Variants in LRBA observed in about 807,000 individuals in gnomAD.
LRBA encodes the protein LPS responsive beige-like anchor protein, also known as lipopolysaccharide-responsive and beige-like anchor protein.
LRBA carries 176 observed loss-of-function variants against 330.0 expected under a neutral mutation model. The observed-to-expected ratio is 0.53, with a 90% CI of 0.47 to 0.60. LRBA has a LOEUF of 0.60. Ranked by LOEUF, LRBA falls within the 20% of genes least tolerant of loss-of-function variation. The pLI, the probability that LRBA is intolerant of heterozygous loss-of-function variation, is 0.00. For synonymous variants in LRBA, 1,230 were observed against 1,193.0 expected (o/e 1.03, Z -0.64); for missense variants, 3,259 against 3,444.8 (o/e 0.95, Z 1.35).
chr4:150,333,534 C>T (rs775159948), intron 48 of LRBA, among the ~76,000 whole-genome samples: 1 of 152,130 alleles, frequency 6.6e-6, no homozygotes, highest in Admixed American at 6.6e-5. Flanking sequence ...TCCAACAAGA[C>T]TTCATAGATT....
chr4:150,733,974 C>T lies in LRBA; in HGVS notation c.5754+1284G>A, dbSNP rs185842649. On this transcript the variant is annotated intron_variant, in intron 36 of 56. Coordinates refer to ENST00000651943, the MANE Select transcript of LRBA (RefSeq NM_001364905.1). ...GTAATCTTCTTTCTTTCTTTACTAG[C>T]ATTTATATTAGCTGTATCTTGCACT... Among the ~76,000 whole-genome samples the T allele has an allele frequency of 7.2e-5, 11 of 152,170 alleles. No individual in the cohort carries two copies. The East Asian group carries it at 2.1e-3, about 29-fold the overall frequency.
At chr4:150,793,274 G>A (rs1349328668) in intron 34 of LRBA, among the ~76,000 whole-genome samples, 1 of 152,078 alleles carries the variant, frequency 6.6e-6, no homozygotes, top group Non-Finnish European at 1.5e-5. Context: ...CTGAACTCCA[G>A]CCTGGGCAAC....
chr4:150,920,532 A>G (rs1733138451), intron 5 of LRBA, among the ~76,000 whole-genome samples: 1 of 152,174 alleles, frequency 6.6e-6, no homozygotes, highest in South Asian at 2.1e-4. Flanking sequence ...CTGGGCAACA[A>G]GAGCAAAACT....
At position 150,264,523 on chromosome 4, in the gene LRBA, C is replaced by T. The variant is rs2126674522; in HGVS notation, c.*1199G>A. On this transcript the variant is annotated 3_prime_UTR_variant, in exon 57 of 57. Coordinates refer to ENST00000651943, the MANE Select transcript of LRBA (RefSeq NM_001364905.1). ...AAAGGCATTTCCAACAATTCAATTA[C>T]AGATGCCATTTTATTCAGCTTTTTC... is the stretch of plus-strand genomic sequence containing the variant. The T allele has an allele frequency of 6.6e-6, 1 of 152,340 alleles. No individual in the cohort carries two copies. The highest frequency in any genetic ancestry group is 2.1e-4 in the South Asian group (1 of 4,830). The allele number at this position is 152,340 out of a possible 1,614,324, so 9.4% of individuals were successfully genotyped here. A position where few individuals can be genotyped will look rare whatever the true frequency, so the allele number is the denominator to read the frequency against.
intron 36 of LRBA, among the ~76,000 whole-genome samples, chr4:150,699,274 A>G (rs1209413162): frequency 6.6e-6 from 1 of 152,144 alleles, no homozygotes; most frequent in Non-Finnish European, 1.5e-5. Flanking sequence ...CTGCCTGTTC[A>G]AGAGTGTGGC....
At chr4:150,426,130 T>G (rs1461932046) in intron 46 of LRBA, among the ~76,000 whole-genome samples, 6 of 152,076 alleles carry the variant, frequency 3.9e-5, no homozygotes, top group Non-Finnish European at 8.8e-5. Context: ...TGAATTGCAT[T>G]TATAATAGTT....
At chr4:150,375,002 A>ATG (rs1741028200) in intron 47 of LRBA, among the ~76,000 whole-genome samples, 2 of 152,212 alleles carry the variant, frequency 1.3e-5, no homozygotes, top group African/African-American at 4.8e-5. Context: ...AAAAAGCATC[A>ATG]AGGGAACCAA....
intron 17 of LRBA, among the ~76,000 whole-genome samples, chr4:150,886,589 C>G (rs1296465): frequency 0.96 from 146,119 of 152,242 alleles, 70,396 homozygotes; most frequent in Non-Finnish European, 1. Context: ...GGGGAAAAAC[C>G]AAAGAATGAA....
chr4:150,776,287 A>C (rs933906020), intron 34 of LRBA, among the ~76,000 whole-genome samples: 4 of 152,194 alleles, frequency 2.6e-5, no homozygotes, highest in Middle Eastern at 6.8e-3. Flanking sequence ...ACTGCATTCC[A>C]GCCTAGGTGA....
At chr4:150,454,797 T>C (rs1008837546) in intron 44 of LRBA, among the ~76,000 whole-genome samples, 2 of 152,068 alleles carry the variant, frequency 1.3e-5, no homozygotes, top group African/African-American at 4.8e-5. Context: ...TGCATACCCA[T>C]AGCTTAGTTC....
chr4:150,444,555 G>A (rs929881854), intron 44 of LRBA, among the ~76,000 whole-genome samples: 7 of 152,078 alleles, frequency 4.6e-5, no homozygotes, highest in African/African-American at 1.2e-4. Context: ...ATATAAGGCC[G>A]AAATGGTTTG....
chr4:150,996,812 G>A (rs1742700159), intron 2 of LRBA, among the ~76,000 whole-genome samples: 1 of 152,014 alleles, frequency 6.6e-6, no homozygotes, highest in Non-Finnish European at 1.5e-5. Flanking sequence ...GAGTCCAAAT[G>A]CCATCTTACT....
rs750460942 is a variant in LRBA, at chr4:150,831,926, G to A, written c.4620C>T (p.Ile1540=). Residue 1540 remains isoleucine (I), a synonymous_variant, in exon 29 of 57, where the codon ATC becomes ATT. Transcript: ENST00000651943. The part of the protein sequence containing the change: ...QFLALAVVYF[I]SVLMVSKYRD... The stretch of plus-strand genomic sequence containing the variant: ...TGTACTTGGAGACCATAAGAACAGA[G>A]ATAAAGTATACTACTGCCAAGGCTA... 8.8e-6 allele frequency: 14 copies of A among 1,595,878 alleles called. No homozygotes were observed. In the South Asian group the frequency reaches 1.6e-4, roughly 18 times the overall value.
intron 37 of LRBA, among the ~76,000 whole-genome samples, chr4:150,600,905 A>C (rs187693452): frequency 6.6e-6 from 1 of 152,280 alleles, no homozygotes; most frequent in Admixed American, 6.5e-5. Flanking sequence ...CATTCTGCCT[A>C]CCTACATTTA....
At chr4:150,718,042 C>T (rs563842370) in intron 36 of LRBA, among the ~76,000 whole-genome samples, 30 of 152,250 alleles carry the variant, frequency 2.0e-4, no homozygotes, top group African/African-American at 7.0e-4. Flanking sequence ...TATATTCACA[C>T]ATGCACAATG....
intron 44 of LRBA, among the ~76,000 whole-genome samples, chr4:150,448,561 G>A (rs1752902308): frequency 6.6e-6 from 1 of 152,134 alleles, no homozygotes; most frequent in Admixed American, 6.5e-5. Flanking sequence ...CAGCACTTCG[G>A]GAGGCCGAGG....
intron 31 of LRBA, among the ~76,000 whole-genome samples, chr4:150,810,628 G>A (rs1413308782): frequency 6.6e-6 from 1 of 152,202 alleles, no homozygotes; most frequent in East Asian, 1.9e-4. Context: ...TTGAGAGAGG[G>A]TCTTGCTCTC....
intron 47 of LRBA, among the ~76,000 whole-genome samples, chr4:150,392,782 T>C (rs1028153267): frequency 1.3e-5 from 2 of 150,356 alleles, no homozygotes; most frequent in Non-Finnish European, 3.0e-5. Flanking sequence ...ACAGAGACAA[T>C]TGGGATTTGA....
At chr4:150,527,012 ACTT>A (rs1763549630) in intron 40 of LRBA, among the ~76,000 whole-genome samples, 1 of 144,680 alleles carries the variant, frequency 6.9e-6, no homozygotes, top group Non-Finnish European at 1.5e-5. Flanking sequence ...CTTTTCTTCT[ACTT>A]TTTTTTTTTT....
Sources: allele counts gnomAD v4.1 joint callset (sites outside exome capture counted in the v4.1 genomes callset), GRCh38; gene constraint gnomAD v4.1.1; transcripts MANE v1.5; gene names NCBI Gene and HGNC (gene_info 2026-07-23, HGNC 2026-07-21).